ZNF66: variants seen among roughly 807,000 people sequenced by gnomAD.
ZNF66 encodes the protein putative zinc finger protein 66.
Under a neutral mutation model 35.2 loss-of-function variants are expected in ZNF66, and 32 were observed. The ratio of observed to expected loss-of-function variants is 0.91; its 90% confidence interval spans 0.69 to 1.22. ZNF66 has a LOEUF of 1.22. ZNF66 is among the 50% of genes most tolerant of loss of function. The pLI is 0.00. For synonymous variants in ZNF66, 231 were observed against 181.3 expected (o/e 1.27, Z -2.20); for missense variants, 666 against 543.1 (o/e 1.23, Z -2.25).
intron 1 of ZNF66, chr19:20,785,017 G>C (rs1246493546): frequency 1.3e-5 from 2 of 152,266 alleles, no homozygotes; most frequent in African/African-American, 4.8e-5. Flanking sequence ...CTGGACTCAT[G>C]TTGGAAATTC....
In ZNF66 at chr19:20,808,089, C is replaced by G. The variant is rs1971543048; in HGVS notation, c.*767C>G. 6.7e-6 allele frequency among the ~76,000 whole-genome samples: 1 copy of G among 148,656 alleles called. No individual in the cohort carries two copies. The highest frequency in any genetic ancestry group is 6.6e-5 in the Admixed American group (1 of 15,058). On this transcript the variant is annotated 3_prime_UTR_variant, in exon 4 of 4. Coordinates refer to ENST00000344519, the MANE Select transcript of ZNF66 (RefSeq NM_001355197.2). ...CAGCTGGCTCAGAGGGTCCTATGCC[C>G]ATGGAGTCTCACTGATTGCTAGCAC... is the stretch of plus-strand genomic sequence containing the variant.
rs890848829 is a variant in ZNF66 at position 20,807,268 on chromosome 19, G to C, written c.1668G>C (p.Glu556Asp). Residue 556 changes from glutamate (E) to aspartate (D), a missense_variant, in exon 4 of 4, where the codon GAG becomes GAC. Glu to Asp is a conservative substitution (Grantham distance 45). Coordinates refer to ENST00000344519, the MANE Select transcript of ZNF66 (RefSeq NM_001355197.2). ...CATCCTCAAACCTTAGTAGACATGA[G>C]ATAATTCATATGGGAGGGAATCCCT... The part of the protein sequence containing the change: ...FISSSNLSRH[E>D]IIHMGGNPYK... 5.8e-6 allele frequency: 4 copies of C among 686,384 alleles called. No homozygotes were observed. The highest frequency in any genetic ancestry group is 1.8e-5 in the African/African-American group (1 of 56,030). The allele number at this position is 686,384 out of a possible 1,614,324, so 42.5% of individuals were successfully genotyped here.
At chr19:20,797,403 TCACCGTGTTAGC>T in intron 3 of ZNF66, among the ~76,000 whole-genome samples, 1 of 127,756 alleles carries the variant, frequency 7.8e-6, no homozygotes, top group Admixed American at 7.5e-5. Context: ...AGACGGGGTT[TCACCGTGTTAGC>T]CAGGATGGTC....
chr19:20,776,851 A>G (rs1055403981), intron 1 of ZNF66, among the ~76,000 whole-genome samples: 6 of 152,144 alleles, frequency 3.9e-5, no homozygotes, highest in Non-Finnish European at 8.8e-5. Flanking sequence ...GCGGTCGTTC[A>G]AGCCTGTAAT....
In ZNF66 at chr19:20,805,968, G is replaced by C; in HGVS notation, c.368G>C (p.Cys123Ser). 1 of 747,790 alleles carries C rather than the reference G, an allele frequency of 1.3e-6. No individual in the cohort carries two copies. Among genetic ancestry groups the C allele is most frequent in the Non-Finnish European group, 2.4e-6 (1 of 425,460 alleles). The allele number at this position is 747,790 out of a possible 1,614,324, so 46.3% of individuals were successfully genotyped here. A position where few individuals can be genotyped will look rare whatever the true frequency, so the allele number is the denominator to read the frequency against. The change falls in exon 4 of 4, where the codon TGT becomes TCT. Residue 123 changes from cysteine to serine, a missense_variant. By Grantham distance (112) the Cys-to-Ser change is moderately radical. Transcript: ENST00000344519. The part of the protein sequence containing the change: ...LKKGCESVDK[C>S]KVHKRGYNGL... ...AAAGGCTGTGAAAGTGTGGATAAGT[G>C]TAAAGTGCACAAAAGAGGTTATAAT...
chr19:20,796,488 C>CT (rs572727385), intron 3 of ZNF66, among the ~76,000 whole-genome samples: 270 of 151,962 alleles, frequency 1.8e-3, no homozygotes, highest in Non-Finnish European at 3.0e-3. Context: ...GGATTTTCAT[C>CT]TTTTTTTTAG....
At position 20,776,421 on chromosome 19, in the gene ZNF66, A is replaced by G; in HGVS notation, c.-27A>G. 1 of 1,556,944 alleles carries G rather than the reference A, an allele frequency of 6.4e-7. No homozygotes were observed. Among genetic ancestry groups the G allele is most frequent in the Non-Finnish European group, 8.8e-7 (1 of 1,130,076 alleles). On this transcript the variant is annotated 5_prime_UTR_variant, in exon 1 of 4. Coordinates refer to ENST00000344519, the MANE Select transcript of ZNF66 (RefSeq NM_001355197.2). Reference sequence around the variant, plus strand: ...AGGTATTGGGAGATCCACAGCTAAGACGCCAGGACCCCCTGGAAGCCTAGA... The same window carrying G: ...AGGTATTGGGAGATCCACAGCTAAGGCGCCAGGACCCCCTGGAAGCCTAGA...
intron 1 of ZNF66, among the ~76,000 whole-genome samples, chr19:20,776,730 G>A (rs1971198343): frequency 6.6e-6 from 1 of 152,196 alleles, no homozygotes; most frequent in Admixed American, 6.5e-5. Context: ...CCACCGGAGG[G>A]TCTTCAGGGG....
intron 1 of ZNF66, among the ~76,000 whole-genome samples, chr19:20,777,017 A>C (rs1291328377): frequency 6.6e-6 from 1 of 151,540 alleles, no homozygotes; most frequent in African/African-American, 2.4e-5. Flanking sequence ...CGGGAGGCAG[A>C]AGTGAGAGAA....
rs779527322 is a variant in ZNF66, at chr19:20,776,465, C to G, written c.3+15C>G. On this transcript the variant is annotated intron_variant, in intron 1 of 3. Coordinates refer to ENST00000344519, the MANE Select transcript of ZNF66 (RefSeq NM_001355197.2). ...GCCTAGAAATGGTGAGAGTGCCGGT[C>G]CAGCATCCCGAGAGAGGTGAAGTGT... 1.1e-4 allele frequency: 163 copies of G among 1,548,976 alleles called. No homozygotes were observed. Among genetic ancestry groups the G allele is most frequent in the Non-Finnish European group, 1.4e-4 (161 of 1,122,932 alleles).
At position 20,805,925 on chromosome 19, in the gene ZNF66, G is replaced by A. The variant is rs2144918755; in HGVS notation, c.325G>A (p.Asp109Asn). The stretch of plus-strand genomic sequence containing the variant: ...GAGAAGGCATAAAAAATGTGGACAT[G>A]ATAATTTGCAGTTAAAAAAAGGCTG... The part of the protein sequence containing the change: ...ILRRHKKCGH[D>N]NLQLKKGCES... The change falls in exon 4 of 4, where the codon GAT becomes AAT. Residue 109 changes from aspartate (D) to asparagine (N), a missense_variant. Coordinates refer to ENST00000344519, the MANE Select transcript of ZNF66 (RefSeq NM_001355197.2). 1 of 679,102 alleles carries A rather than the reference G, an allele frequency of 1.5e-6. No individual in the cohort carries two copies. The highest frequency in any genetic ancestry group is 2.5e-5 in the East Asian group (1 of 39,968). 42.1% of individuals were successfully genotyped at this position (679,102 alleles called of 1,614,324 possible).
intron 1 of ZNF66, among the ~76,000 whole-genome samples, chr19:20,783,936 A>C (rs1389786511): frequency 1.3e-5 from 2 of 152,146 alleles, no homozygotes; most frequent in Non-Finnish European, 2.9e-5. Context: ...AGCTGACTGC[A>C]ACTGCTGCCT....
At chr19:20,776,843 G>C (rs1327159233) in intron 1 of ZNF66, among the ~76,000 whole-genome samples, 1 of 152,114 alleles carries the variant, frequency 6.6e-6, no homozygotes, top group Non-Finnish European at 1.5e-5. Flanking sequence ...GGCCGGGCGC[G>C]GTCGTTCAAG....
Position 20,807,290 on chromosome 19 carries a change from C to T in ZNF66, c.1690C>T (p.Pro564Ser). The change falls in exon 4 of 4, where the codon CCC becomes TCC. Residue 564 changes from proline (P) to serine (S), a missense_variant. Physicochemically the swap from Pro to Ser is moderately conservative, Grantham distance 74. Transcript: ENST00000344519. ...RHEIIHMGGN[P>S]YKCENVAKP ...TGAGATAATTCATATGGGAGGGAATCCCTACAAATGTGAAAATGTGGCAAA... is the reference window on the plus strand; with the variant it reads ...TGAGATAATTCATATGGGAGGGAATTCCTACAAATGTGAAAATGTGGCAAA... 1 of 665,638 alleles carries T rather than the reference C, an allele frequency of 1.5e-6. No homozygotes were observed. The highest frequency in any genetic ancestry group is 1.9e-5 in the South Asian group (1 of 53,826). 41.2% of individuals were successfully genotyped at this position (665,638 alleles called of 1,614,324 possible). A position where few individuals can be genotyped will look rare whatever the true frequency, so the allele number is the denominator to read the frequency against.
intron 3 of ZNF66, among the ~76,000 whole-genome samples, chr19:20,803,436 T>A (rs978985184): frequency 3.9e-5 from 6 of 152,000 alleles, no homozygotes; most frequent in African/African-American, 1.4e-4. Context: ...CAACAATATA[T>A]TTAAATGTGG....
At chr19:20,791,152 C>A (rs1971333163) in intron 1 of ZNF66, among the ~76,000 whole-genome samples, 1 of 152,136 alleles carries the variant, frequency 6.6e-6, no homozygotes, top group African/African-American at 2.4e-5. Flanking sequence ...AGGCTCCATT[C>A]ATGTGTTCCA....
rs1370596683 is a variant in ZNF66 at position 20,808,985 on chromosome 19, TTAAAGGAGC to T, written c.*1665_*1673del. ...TAGAATAACCAATGCAGAGAAATGC[TTAAAGGAGC>T]TGATGGAGCTGAAAGCCAAGGATCA... is the stretch of plus-strand genomic sequence containing the variant. On this transcript the variant is annotated 3_prime_UTR_variant, in exon 4 of 4. Transcript: ENST00000344519. Among the ~76,000 whole-genome samples the T allele has an allele frequency of 2.0e-5, 3 of 151,958 alleles. No individual in the cohort carries two copies. The highest frequency in any genetic ancestry group is 2.9e-5 in the Non-Finnish European group (2 of 68,008).
At position 20,808,661 on chromosome 19, in the gene ZNF66, A is replaced by T. The variant is rs1412434049; in HGVS notation, c.*1339A>T. On this transcript the variant is annotated 3_prime_UTR_variant, in exon 4 of 4. Coordinates refer to ENST00000344519, the MANE Select transcript of ZNF66 (RefSeq NM_001355197.2). ...CTGTCTGTTAGAAGGAAAACTAACA[A>T]ACAGAAAGGACATCCACACCAAAAA... Among the ~76,000 whole-genome samples the T allele has an allele frequency of 4.6e-5, 7 of 152,276 alleles. No individual in the cohort carries two copies. Among genetic ancestry groups the T allele is most frequent in the African/African-American group, 1.4e-4 (6 of 41,552 alleles).
chr19:20,798,678 T>G (rs1971418080), intron 3 of ZNF66, among the ~76,000 whole-genome samples: 1 of 152,138 alleles, frequency 6.6e-6, no homozygotes, highest in African/African-American at 2.4e-5. Flanking sequence ...TAACAACTGC[T>G]CATTTTACAC....
Sources: allele counts gnomAD v4.1 joint callset (sites outside exome capture counted in the v4.1 genomes callset), GRCh38; gene constraint gnomAD v4.1.1; transcripts MANE v1.5; gene names NCBI Gene and HGNC (gene_info 2026-07-23, HGNC 2026-07-21).